GLDC: variants seen among roughly 807,000 people sequenced by gnomAD.
The protein encoded by GLDC is glycine decarboxylase.
In GLDC, 104 loss-of-function variants were observed where a neutral mutation model predicts 121.3. That is an observed-to-expected ratio of 0.86 (90% CI 0.73 to 1.01). GLDC has a LOEUF of 1.01. Ranked by LOEUF, GLDC falls within the 50% of genes least tolerant of loss-of-function variation. GLDC has a pLI of 0.00. For synonymous variants in GLDC, 546 were observed against 480.6 expected (o/e 1.14, Z -1.78); for missense variants, 1,429 against 1,306.6 (o/e 1.09, Z -1.44).
intron 2 of GLDC, among the ~76,000 whole-genome samples, chr9:6,628,134 A>C (rs1819283996): frequency 1.3e-5 from 2 of 152,292 alleles, no homozygotes; most frequent in South Asian, 4.1e-4. Context: ...AATCCTAACT[A>C]AGGACACAAT....
intron 15 of GLDC, among the ~76,000 whole-genome samples, chr9:6,575,807 A>G (rs573090071): frequency 7.9e-5 from 12 of 152,216 alleles, no homozygotes; most frequent in African/African-American, 1.9e-4. Flanking sequence ...TAAACTAGCA[A>G]TTCCTAGAAT....
chr9:6,584,707 G>C (rs12683179), intron 15 of GLDC, among the ~76,000 whole-genome samples: 31,565 of 152,142 alleles, frequency 0.21, 3,737 homozygotes, highest in Admixed American at 0.28. Context: ...CTCATGACCA[G>C]AAACATCCTT....
chr9:6,605,441 A>T (rs560421816), intron 5 of GLDC, 163 bp from the exon 6 acceptor site: 2 of 697,008 alleles, frequency 2.9e-6, no homozygotes, highest in East Asian at 5.4e-5. Flanking sequence ...TGGTAACTAC[A>T]TCACAGCAAC....
chr9:6,625,606 A>C (rs2773506), intron 2 of GLDC, among the ~76,000 whole-genome samples: 84,795 of 152,006 alleles, frequency 0.56, 24,366 homozygotes, highest in East Asian at 0.72. Flanking sequence ...CCAAGAGCCA[A>C]AATTACAGTC....
intron 9 of GLDC, 185 bp from the exon 10 acceptor site, chr9:6,593,175 A>C: frequency 1.6e-6 from 1 of 618,010 alleles, no homozygotes; most frequent in Non-Finnish European, 2.9e-6. Context: ...TATGAAATAC[A>C]TATAAAAGAG....
chr9:6,606,082 C>T (rs139116922), intron 5 of GLDC: 6,154 of 159,370 alleles, frequency 0.039, 404 homozygotes, highest in African/African-American at 0.14. Context: ...CGGAGGTGGG[C>T]GGGTCACGAG....
intron 2 of GLDC, among the ~76,000 whole-genome samples, chr9:6,627,718 A>G (rs4742230): frequency 0.014 from 2,195 of 152,348 alleles, 79 homozygotes; most frequent in Admixed American, 0.063. Flanking sequence ...CTAGAAGCCA[A>G]GACAGTCTGT....
chr9:6,543,600 T>C (rs913931544), intron 21 of GLDC, among the ~76,000 whole-genome samples: 2 of 152,192 alleles, frequency 1.3e-5, no homozygotes, highest in Non-Finnish European at 2.9e-5. Flanking sequence ...CATACTCTAT[T>C]GCGTTCAAAT....
At chr9:6,605,412 C>A (rs556541883) in intron 5 of GLDC, 134 bp from the exon 6 acceptor site, 6 of 812,832 alleles carry the variant, frequency 7.4e-6, no homozygotes, top group South Asian at 5.8e-5. Context: ...GCCCACATCC[C>A]GTCCCACAGG....
chr9:6,628,182 C>G (rs1322348140), intron 2 of GLDC, among the ~76,000 whole-genome samples: 1 of 152,212 alleles, frequency 6.6e-6, no homozygotes, highest in East Asian at 1.9e-4. Flanking sequence ...TGGAAAAGAG[C>G]TACCTTTCTA....
At chr9:6,610,979 T>C (rs1818839384) in intron 3 of GLDC, among the ~76,000 whole-genome samples, 1 of 152,250 alleles carries the variant, frequency 6.6e-6, no homozygotes, top group Non-Finnish European at 1.5e-5. Flanking sequence ...CATTTTACAA[T>C]AGGAAAGCAT....
chr9:6,596,212 G>A (rs1002521029), intron 8 of GLDC, among the ~76,000 whole-genome samples: 1 of 152,172 alleles, frequency 6.6e-6, no homozygotes, highest in Non-Finnish European at 1.5e-5. Flanking sequence ...TTCACAGAAT[G>A]CCCTGGCAGC....
At chr9:6,589,748 A>T (rs936490164) in intron 11 of GLDC, among the ~76,000 whole-genome samples, 1 of 152,150 alleles carries the variant, frequency 6.6e-6, no homozygotes, top group African/African-American at 2.4e-5. Flanking sequence ...TTTAAAAGCT[A>T]AAACTACTAA....
intron 15 of GLDC, among the ~76,000 whole-genome samples, chr9:6,581,110 G>T (rs953042573): frequency 6.6e-6 from 1 of 152,132 alleles, no homozygotes; most frequent in Non-Finnish European, 1.5e-5. Flanking sequence ...AGTATTGAGG[G>T]GTTAAGGCCC....
intron 20 of GLDC, among the ~76,000 whole-genome samples, chr9:6,553,074 G>A (rs1294280657): frequency 6.6e-6 from 1 of 152,122 alleles, no homozygotes; most frequent in Non-Finnish European, 1.5e-5. Context: ...ACATCCATAT[G>A]ACTCATGGAA....
chr9:6,600,150 G>A (rs1818575837), intron 8 of GLDC, among the ~76,000 whole-genome samples: 1 of 152,148 alleles, frequency 6.6e-6, no homozygotes, highest in African/African-American at 2.4e-5. Context: ...GATCACTTGA[G>A]CTCAGGAATT....
intron 4 of GLDC, among the ~76,000 whole-genome samples, chr9:6,608,817 G>T (rs1003562097): frequency 9.2e-5 from 14 of 151,866 alleles, no homozygotes. Flanking sequence ...TTTAAAAAAA[G>T]AGGGAAGATG....
intron 16 of GLDC, among the ~76,000 whole-genome samples, chr9:6,564,604 TC>T (rs1817818752): frequency 6.6e-6 from 1 of 152,230 alleles, no homozygotes; most frequent in African/African-American, 2.4e-5. Flanking sequence ...ATTAAGGACT[TC>T]CGCCCCACAG....
chr9:6,628,388 G>T (rs1323800902), intron 2 of GLDC, among the ~76,000 whole-genome samples: 1 of 152,152 alleles, frequency 6.6e-6, no homozygotes, highest in Non-Finnish European at 1.5e-5. Context: ...CCTTTCAACT[G>T]GACAAAACCA....
Sources: gnomAD v4.1 joint callset for allele counts (sites outside exome capture counted in the v4.1 genomes callset) on GRCh38, gnomAD v4.1.1 for gene constraint, MANE v1.5 for transcripts, NCBI Gene and HGNC (gene_info 2026-07-23, HGNC 2026-07-21) for gene names.